FOCAD: variants seen among roughly 807,000 people sequenced by gnomAD.
FOCAD encodes KIAA1797.
Under a neutral mutation model 225.6 loss-of-function variants are expected in FOCAD, and 198 were observed. The observed-to-expected ratio is 0.88, with a 90% CI of 0.78 to 0.99. The LOEUF (loss-of-function observed/expected upper bound fraction) is 0.99. Among genes scored for constraint, FOCAD ranks in the 50% least tolerant of loss-of-function variants. The pLI is 0.00. For missense variants in FOCAD, 2,713 were observed against 2,123.6 expected, an observed-to-expected ratio of 1.28 and a Z score of -5.46; for synonymous variants, 897 against 755.0, an observed-to-expected ratio of 1.19 and a Z score of -3.08.
intron 1 of FOCAD, among the ~76,000 whole-genome samples, chr9:20,689,081 C>G (rs1010353189): frequency 6.6e-6 from 1 of 152,114 alleles, no homozygotes; most frequent in Admixed American, 6.5e-5. Context: ...ATTGAGATAA[C>G]ATAATTGGTT....
At chr9:20,939,565 C>T (rs537407940) in intron 28 of FOCAD, among the ~76,000 whole-genome samples, 2 of 152,262 alleles carry the variant, frequency 1.3e-5, no homozygotes, top group East Asian at 3.9e-4. Flanking sequence ...ATGAATTACC[C>T]ACCATACAGA....
At chr9:20,781,092 A>G (rs1819315499) in intron 9 of FOCAD, among the ~76,000 whole-genome samples, 1 of 152,248 alleles carries the variant, frequency 6.6e-6, no homozygotes, top group Non-Finnish European at 1.5e-5. Context: ...AAAAAAGTAT[A>G]TTTATGCCTT....
chr9:20,857,403 TG>T (rs1270710020), intron 15 of FOCAD, among the ~76,000 whole-genome samples: 1 of 152,040 alleles, frequency 6.6e-6, no homozygotes, highest in Non-Finnish European at 1.5e-5. Context: ...GATTGTCCAT[TG>T]TTGGCATATA....
chr9:20,933,867 AC>A (rs1324092194), intron 28 of FOCAD, among the ~76,000 whole-genome samples: 1 of 150,034 alleles, frequency 6.7e-6, no homozygotes, highest in African/African-American at 2.4e-5. Flanking sequence ...CCGCGTCCAC[AC>A]CAACATCTAT....
chr9:20,983,935 T>G (rs1840934122), intron 39 of FOCAD, among the ~76,000 whole-genome samples: 2 of 152,236 alleles, frequency 1.3e-5, no homozygotes, highest in Admixed American at 1.3e-4. Context: ...ATTATTACAT[T>G]CATGTAATTG....
chr9:20,862,502 A>C, intron 15 of FOCAD, 76 bp from the exon 16 acceptor site: 1 of 1,492,664 alleles, frequency 6.7e-7, no homozygotes, highest in Admixed American at 2.1e-5. Flanking sequence ...TTATAATAAA[A>C]TATAGTACTC....
At chr9:20,666,747 C>G (rs1422393198) in intron 2 of FOCAD, among the ~76,000 whole-genome samples, 3 of 152,010 alleles carry the variant, frequency 2.0e-5, no homozygotes, top group Non-Finnish European at 2.9e-5. Context: ...AAATGTGGTT[C>G]CAGTGGTGGC....
chr9:20,705,936 T>G (rs1479253461), intron 1 of FOCAD, among the ~76,000 whole-genome samples: 1 of 143,916 alleles, frequency 6.9e-6, no homozygotes, highest in African/African-American at 2.6e-5. Flanking sequence ...TTTTTTTTTT[T>G]TTTTTTTTTT....
intron 21 of FOCAD, among the ~76,000 whole-genome samples, chr9:20,900,431 G>A (rs1832461601): frequency 6.6e-6 from 1 of 151,274 alleles, no homozygotes; most frequent in Admixed American, 6.6e-5. Flanking sequence ...ATAATCATTT[G>A]ATTCTTTTTA....
chr9:20,713,277 T>C (rs2131492657), intron 1 of FOCAD, among the ~76,000 whole-genome samples: 1 of 152,340 alleles, frequency 6.6e-6, no homozygotes, highest in South Asian at 2.1e-4. Context: ...TCCTTCACTC[T>C]GCTGTATGCA....
chr9:20,749,817 CTT>C (rs1410002047), intron 5 of FOCAD, among the ~76,000 whole-genome samples: 2 of 152,112 alleles, frequency 1.3e-5, no homozygotes, highest in Non-Finnish European at 2.9e-5. Flanking sequence ...TTACAAATAA[CTT>C]TTGCTTTTTG....
intron 35 of FOCAD, among the ~76,000 whole-genome samples, chr9:20,959,251 A>G (rs956398834): frequency 1.3e-5 from 2 of 151,926 alleles, no homozygotes; most frequent in African/African-American, 4.8e-5. Context: ...CTGGGGAGAG[A>G]TGATATCTCA....
chr9:20,833,328 A>G (rs1469051430), intron 15 of FOCAD, among the ~76,000 whole-genome samples: 1 of 152,038 alleles, frequency 6.6e-6, no homozygotes, highest in East Asian at 1.9e-4. Flanking sequence ...TATAATAAGG[A>G]TGTTTGTCCT....
At chr9:20,932,969 G>C in intron 27 of FOCAD, 45 bp from the exon 28 acceptor site, 1 of 1,360,416 alleles carries the variant, frequency 7.4e-7, no homozygotes, top group South Asian at 1.2e-5. Flanking sequence ...TTGGATAGTT[G>C]ACTAATTTTA....
intron 11 of FOCAD, among the ~76,000 whole-genome samples, chr9:20,815,269 G>A (rs10964727): frequency 4.0e-5 from 6 of 149,500 alleles, no homozygotes; most frequent in African/African-American, 1.5e-4. Context: ...AAGTAGCTGA[G>A]ATTACAGGCA....
chr9:20,937,389 C>T (rs1293374266), intron 28 of FOCAD, among the ~76,000 whole-genome samples: 1 of 152,052 alleles, frequency 6.6e-6, no homozygotes, highest in Non-Finnish European at 1.5e-5. Context: ...AGATATAGAC[C>T]AATGGAGCAG....
At chr9:20,936,830 C>T (rs1254898139) in intron 28 of FOCAD, among the ~76,000 whole-genome samples, 1 of 152,208 alleles carries the variant, frequency 6.6e-6, no homozygotes, top group Non-Finnish European at 1.5e-5. Context: ...TAGAAAACCC[C>T]ATCGTGTCAG....
At chr9:20,947,802 G>C (rs56734353) in intron 30 of FOCAD, among the ~76,000 whole-genome samples, 1 of 152,042 alleles carries the variant, frequency 6.6e-6, no homozygotes, top group Non-Finnish European at 1.5e-5. Flanking sequence ...TTTTAAGCTC[G>C]TAATGTTATC....
At chr9:20,792,348 C>A (rs1283970690) in intron 11 of FOCAD, among the ~76,000 whole-genome samples, 1 of 152,134 alleles carries the variant, frequency 6.6e-6, no homozygotes, top group African/African-American at 2.4e-5. Flanking sequence ...TGGAATAACT[C>A]TAAATACTAT....
Sources: allele counts gnomAD v4.1 joint callset (sites outside exome capture counted in the v4.1 genomes callset), GRCh38; gene constraint gnomAD v4.1.1; transcripts MANE v1.5; gene names NCBI Gene and HGNC (gene_info 2026-07-23, HGNC 2026-07-21).